DLG1: variants seen among roughly 807,000 people sequenced by gnomAD.
DLG1 encodes discs large MAGUK scaffold protein 1.
A neutral mutation model predicts 123.4 loss-of-function variants in DLG1; 42 were observed. That is an observed-to-expected ratio of 0.34 (90% CI 0.27 to 0.44). The LOEUF is 0.44. Among genes scored for constraint, DLG1 ranks in the 20% least tolerant of loss-of-function variants. The pLI, the probability that DLG1 is intolerant of heterozygous loss-of-function variation, is 1.00. For missense variants in DLG1, 942 were observed against 1,082.6 expected, an observed-to-expected ratio of 0.87 and a Z score of 1.82; for synonymous variants, 317 against 356.2, an observed-to-expected ratio of 0.89 and a Z score of 1.24.
chr3:197,116,105 G>A (rs1029019996), intron 12 of DLG1, 22 bp from the exon 13 acceptor site: 2 of 1,580,956 alleles, frequency 1.3e-6, no homozygotes, highest in African/African-American at 2.8e-5. Context: ...AAAAAATTGA[G>A]TATCTTGGAA....
chr3:197,094,460 C>T (rs966766846), intron 14 of DLG1, among the ~76,000 whole-genome samples: 1 of 152,160 alleles, frequency 6.6e-6, no homozygotes, highest in East Asian at 1.9e-4. Flanking sequence ...GCAATCTTCC[C>T]AGATTGGATT....
chr3:197,123,915 C>A (rs1777682518), intron 11 of DLG1, among the ~76,000 whole-genome samples: 1 of 152,144 alleles, frequency 6.6e-6, no homozygotes, highest in African/African-American at 2.4e-5. Context: ...AAGCTAAATT[C>A]TTAAAATTGG....
At chr3:197,297,891 C>T (rs529954525) in intron 1 of DLG1, 1 of 985,190 alleles carries the variant, frequency 1.0e-6, no homozygotes, top group Non-Finnish European at 1.2e-6. Context: ...CCACGTACCC[C>T]CGCCCCGCCC....
intron 3 of DLG1, among the ~76,000 whole-genome samples, chr3:197,294,866 A>G (rs1233343123): frequency 6.6e-6 from 1 of 152,156 alleles, no homozygotes; most frequent in Admixed American, 6.5e-5. Flanking sequence ...GCCATCACAC[A>G]AAGAAAAGTC....
chr3:197,051,539 T>TTCTA (rs1373305214), intron 24 of DLG1, 38 bp downstream of exon 24: 2 of 1,573,176 alleles, frequency 1.3e-6, no homozygotes, highest in Admixed American at 3.4e-5. Context: ...CAAAGCAAAA[T>TTCTA]TCTATCTTAA....
rs1300222676 is a variant in DLG1, at chr3:197,148,245, C to CAAAAA, written c.537+1493_537+1497dup. ...TAAAACCCCATCTCTACCAAAAATACAAAAAAAAAAAAAAAATAGCCAGTC... is the reference window on the plus strand; with the variant it reads ...TAAAACCCCATCTCTACCAAAAATACAAAAAAAAAAAAAAAAAAAAATAGCCAGTC... On this transcript the variant is annotated intron_variant, in intron 6 of 24. Coordinates refer to ENST00000667157, the MANE Select transcript of DLG1 (RefSeq NM_001366207.1). 9.7e-4 allele frequency among the ~76,000 whole-genome samples: 42 copies of CAAAAA among 43,288 alleles called. 2 individuals carry two copies. The highest frequency in any genetic ancestry group is 0.016 in the Middle Eastern group (1 of 64). The allele number at this position is 43,288 out of a possible 152,430, so 28.4% of individuals were successfully genotyped here.
chr3:197,288,741 AAAATACATACAT>A (rs1181261624), intron 3 of DLG1, among the ~76,000 whole-genome samples: 1 of 63,434 alleles, frequency 1.6e-5, no homozygotes, highest in Non-Finnish European at 3.0e-5. Context: ...AAAAAAAAAA[AAAATACATACAT>A]ACATACATAC....
At chr3:197,271,536 AAAACAGAC>A (rs1457017118) in intron 4 of DLG1, among the ~76,000 whole-genome samples, 5 of 152,226 alleles carry the variant, frequency 3.3e-5, no homozygotes, top group Non-Finnish European at 5.9e-5. Flanking sequence ...AACCCAGTTA[AAAACAGAC>A]ACCTAACAAT....
intron 5 of DLG1, among the ~76,000 whole-genome samples, chr3:197,163,876 G>C (rs930168424): frequency 6.6e-6 from 1 of 151,610 alleles, no homozygotes; most frequent in Admixed American, 6.6e-5. Context: ...AGATGGATGA[G>C]CCTTTAAAAC....
At chr3:197,278,314 A>AATGATTTT (rs1369409032) in intron 4 of DLG1, among the ~76,000 whole-genome samples, 1 of 147,868 alleles carries the variant, frequency 6.8e-6, no homozygotes, top group African/African-American at 2.5e-5. Flanking sequence ...AAAAAAAAGA[A>AATGATTTT]ATGATTTTAG....
chr3:197,110,636 A>G (rs894700231), intron 13 of DLG1, among the ~76,000 whole-genome samples: 17 of 152,196 alleles, frequency 1.1e-4, no homozygotes, highest in African/African-American at 3.9e-4. Context: ...CAGATAGCAG[A>G]ACTGTCCTCT....
chr3:197,163,439 A>G (rs571324903), intron 5 of DLG1, among the ~76,000 whole-genome samples: 5 of 152,154 alleles, frequency 3.3e-5, no homozygotes, highest in Non-Finnish European at 5.9e-5. Flanking sequence ...ATCACACACA[A>G]CAGTCAAAAG....
At chr3:197,211,112 T>C (rs1400578833) in intron 4 of DLG1, among the ~76,000 whole-genome samples, 2 of 146,392 alleles carry the variant, frequency 1.4e-5, no homozygotes, top group Non-Finnish European at 1.5e-5. Context: ...TGTGATCCAA[T>C]TGAATACCAA....
At chr3:197,266,633 GGAGAA>G (rs781245054) in intron 4 of DLG1, among the ~76,000 whole-genome samples, 8 of 151,856 alleles carry the variant, frequency 5.3e-5, no homozygotes, top group South Asian at 4.2e-4. Flanking sequence ...GAGAGGGAGA[GGAGAA>G]GAGAAGAGAA....
intron 5 of DLG1, among the ~76,000 whole-genome samples, chr3:197,181,986 G>C (rs546645139): frequency 6.6e-6 from 1 of 152,104 alleles, no homozygotes; most frequent in Non-Finnish European, 1.5e-5. Context: ...CGGCTATAAC[G>C]TAACTCTGTG....
At chr3:197,100,297 T>C (rs1033836418) in intron 14 of DLG1, among the ~76,000 whole-genome samples, 1 of 152,206 alleles carries the variant, frequency 6.6e-6, no homozygotes, top group African/African-American at 2.4e-5. Flanking sequence ...GTTAGAAATC[T>C]ACCTTTGTAA....
At chr3:197,274,353 CT>C (rs1253364651) in intron 4 of DLG1, among the ~76,000 whole-genome samples, 1 of 152,164 alleles carries the variant, frequency 6.6e-6, no homozygotes, top group African/African-American at 2.4e-5. Flanking sequence ...AAAGGACAGT[CT>C]CTTCGATAAA....
At chr3:197,136,326 G>C (rs1193104037) in intron 10 of DLG1, 2 of 485,618 alleles carry the variant, frequency 4.1e-6, no homozygotes, top group African/African-American at 3.9e-5. Flanking sequence ...AACAACAAAG[G>C]AATAAAAGGA....
intron 5 of DLG1, among the ~76,000 whole-genome samples, chr3:197,168,392 C>T (rs950273934): frequency 2.0e-5 from 3 of 152,176 alleles, no homozygotes; most frequent in African/African-American, 7.2e-5. Context: ...CAAAGTAATT[C>T]ATTTAGTTCA....
Sources: allele counts gnomAD v4.1 joint callset (sites outside exome capture counted in the v4.1 genomes callset), GRCh38; gene constraint gnomAD v4.1.1; transcripts MANE v1.5; gene names NCBI Gene and HGNC (gene_info 2026-07-23, HGNC 2026-07-21).